The following BMPR1B variants were observed in gnomAD, a reference collection of about 807,000 sequenced individuals.
BMPR1B encodes bone morphogenetic protein receptor type 1B, also known as bone morphogenetic protein receptor type-1B.
Under a neutral mutation model 59.1 loss-of-function variants are expected in BMPR1B, and 12 were observed. The ratio of observed to expected loss-of-function variants is 0.20; its 90% CI spans 0.13 to 0.33. The LOEUF (loss-of-function observed/expected upper bound fraction) is 0.33. BMPR1B is among the 10% of genes least tolerant of loss of function. The pLI is 1.00. For synonymous variants in BMPR1B, 237 were observed against 207.3 expected (o/e 1.14, Z -1.23); for missense variants, 550 against 610.9 (o/e 0.90, Z 1.05).
rs1257779646 is a variant in BMPR1B, at chr4:95,079,642, A to G, written c.-17-24766A>G. On this transcript the variant is annotated intron_variant, in intron 3 of 12. Coordinates refer to ENST00000515059, the MANE Select transcript of BMPR1B (RefSeq NM_001203.3). ...GTAAGAAAAACTGACTTGTGTTTGG[A>G]AATCAAGACCTAAGTTCAAATCAAG... is the stretch of plus-strand genomic sequence containing the variant. 2.6e-5 allele frequency among the ~76,000 whole-genome samples: 4 copies of G among 152,244 alleles called. No individual in the cohort carries two copies. The East Asian group carries it at 7.7e-4, about 29-fold the overall frequency.
At chr4:95,055,193 C>T (rs763420557) in intron 3 of BMPR1B, among the ~76,000 whole-genome samples, 8 of 152,070 alleles carry the variant, frequency 5.3e-5, no homozygotes, top group Non-Finnish European at 1.0e-4. Context: ...ACCACCTCTC[C>T]GTTGCCAGGC....
chr4:95,097,132 A>T (rs1730482480), intron 3 of BMPR1B, among the ~76,000 whole-genome samples: 1 of 68,068 alleles, frequency 1.5e-5, no homozygotes, highest in Non-Finnish European at 3.3e-5. Context: ...ATATTAATTT[A>T]TATATAACTA....
intron 2 of BMPR1B, among the ~76,000 whole-genome samples, chr4:94,985,396 A>G (rs1721333533): frequency 6.6e-6 from 1 of 152,130 alleles, no homozygotes; most frequent in South Asian, 2.1e-4. Flanking sequence ...TCTCGAGTAG[A>G]TAGTAACTAA....
chr4:95,021,785 A>G (rs1164077859), intron 3 of BMPR1B, among the ~76,000 whole-genome samples: 1 of 152,218 alleles, frequency 6.6e-6, no homozygotes, highest in East Asian at 1.9e-4. Context: ...TAAAATGAAC[A>G]CTATTAATGC....
At chr4:95,133,094 C>T (rs1223010144) in intron 10 of BMPR1B, among the ~76,000 whole-genome samples, 2 of 152,168 alleles carry the variant, frequency 1.3e-5, no homozygotes, top group East Asian at 1.9e-4. Context: ...CATCATCTTT[C>T]GTTCCCTAAC....
At chr4:95,149,663 T>C (rs1226365304) in intron 11 of BMPR1B, among the ~76,000 whole-genome samples, 1 of 152,210 alleles carries the variant, frequency 6.6e-6, no homozygotes, top group African/African-American at 2.4e-5. Context: ...CTGTATGTTA[T>C]TCCATGGTTG....
chr4:95,116,069 G>T (rs547905022), intron 6 of BMPR1B, among the ~76,000 whole-genome samples: 1 of 152,116 alleles, frequency 6.6e-6, no homozygotes, highest in African/African-American at 2.4e-5. Flanking sequence ...GGAGGCAGGA[G>T]CTAGCACTCT....
chr4:95,123,340 T>A (rs879471397), intron 6 of BMPR1B, among the ~76,000 whole-genome samples: 11 of 152,212 alleles, frequency 7.2e-5, no homozygotes, highest in Non-Finnish European at 1.0e-4. Context: ...TTATCCACTA[T>A]AAGATGACTT....
intron 1 of BMPR1B, among the ~76,000 whole-genome samples, chr4:94,821,391 A>T (rs1186341030): frequency 6.6e-6 from 1 of 152,124 alleles, no homozygotes; most frequent in Non-Finnish European, 1.5e-5. Flanking sequence ...TCAGAAAATA[A>T]TTTTTGCTAG....
At chr4:94,825,162 G>T (rs11936506) in intron 1 of BMPR1B, among the ~76,000 whole-genome samples, 2 of 152,010 alleles carry the variant, frequency 1.3e-5, no homozygotes, top group Middle Eastern at 3.4e-3. Flanking sequence ...GACATTCTGT[G>T]GTGGCCCCAT....
intron 10 of BMPR1B, among the ~76,000 whole-genome samples, chr4:95,142,946 C>G (rs62316255): frequency 1.3e-5 from 2 of 151,826 alleles, no homozygotes; most frequent in African/African-American, 4.8e-5. Context: ...TTAAAAAACT[C>G]CCCCTTACTC....
intron 1 of BMPR1B, among the ~76,000 whole-genome samples, chr4:94,870,852 G>A (rs768777869): frequency 3.9e-5 from 6 of 152,102 alleles, no homozygotes; most frequent in South Asian, 2.1e-4. Flanking sequence ...CCACATTAAC[G>A]TTGGAAGGTG....
chr4:94,886,199 GAAAT>G (rs1377282802), intron 2 of BMPR1B, among the ~76,000 whole-genome samples: 1 of 152,096 alleles, frequency 6.6e-6, no homozygotes, highest in Non-Finnish European at 1.5e-5. Flanking sequence ...GATATAGTAA[GAAAT>G]AACACTTTAA....
At chr4:94,848,259 C>T (rs1725418830) in intron 1 of BMPR1B, among the ~76,000 whole-genome samples, 1 of 152,144 alleles carries the variant, frequency 6.6e-6, no homozygotes, top group Non-Finnish European at 1.5e-5. Context: ...AATTAAAATT[C>T]ATTGAACTGC....
At chr4:94,793,276 T>G (rs1723054143) in intron 1 of BMPR1B, among the ~76,000 whole-genome samples, 1 of 152,078 alleles carries the variant, frequency 6.6e-6, no homozygotes, top group Non-Finnish European at 1.5e-5. Flanking sequence ...TGTTTGTTTT[T>G]TTGTTCTTGT....
intron 1 of BMPR1B, among the ~76,000 whole-genome samples, chr4:94,867,141 A>G (rs1726278936): frequency 6.6e-6 from 1 of 152,122 alleles, no homozygotes; most frequent in African/African-American, 2.4e-5. Flanking sequence ...TTTGTGTTCT[A>G]AAGGTTCCAA....
intron 10 of BMPR1B, among the ~76,000 whole-genome samples, chr4:95,146,662 T>G (rs764273405): frequency 2.0e-5 from 3 of 152,208 alleles, no homozygotes; most frequent in Non-Finnish European, 4.4e-5. Flanking sequence ...CCCTCATGTT[T>G]GTTTTCTCTG....
chr4:94,915,023 T>G (rs1728429625), intron 2 of BMPR1B, among the ~76,000 whole-genome samples: 2 of 152,164 alleles, frequency 1.3e-5, no homozygotes, highest in African/African-American at 4.8e-5. Context: ...TTTGCAGGTT[T>G]GCTATAGAAG....
intron 3 of BMPR1B, among the ~76,000 whole-genome samples, chr4:95,042,647 C>T (rs973315000): frequency 6.6e-6 from 1 of 152,126 alleles, no homozygotes; most frequent in Non-Finnish European, 1.5e-5. Flanking sequence ...ACACGTAGTG[C>T]CTCACAAACA....
Sources: gnomAD v4.1 joint callset for allele counts (sites outside exome capture counted in the v4.1 genomes callset) on GRCh38, gnomAD v4.1.1 for gene constraint, MANE v1.5 for transcripts, NCBI Gene and HGNC (gene_info 2026-07-23, HGNC 2026-07-21) for gene names.